Variants in PHACTR3 observed in about 807,000 individuals in gnomAD.
PHACTR3 encodes protein phosphatase 1, regulatory subunit 123.
PHACTR3 carries 16 observed loss-of-function variants against 66.8 expected under a neutral mutation model. That is an observed-to-expected ratio of 0.24 (90% CI 0.16 to 0.36). The LOEUF (loss-of-function observed/expected upper bound fraction) is 0.36, where lower values mean the gene tolerates loss of function less well. Ranked by LOEUF, PHACTR3 falls within the 10% of genes least tolerant of loss-of-function variation. The probability of loss-of-function intolerance (pLI) is 1.00; values close to 1 mark genes in which losing one functional copy is unlikely to be tolerated. For missense variants in PHACTR3, 647 were observed against 719.9 expected, an observed-to-expected ratio of 0.90 and a Z score of 1.16; for synonymous variants, 323 against 292.1, an observed-to-expected ratio of 1.11 and a Z score of -1.08.
rs567354594 is a variant in PHACTR3, at chr20:59,797,463, A to G, written c.1175-8578A>G. Reference sequence around the variant, plus strand: ...ATATTGTGGTACAATCACCTCTTCTAATTTTACAGATTGGCATATTTTGGG... The same window carrying G: ...ATATTGTGGTACAATCACCTCTTCTGATTTTACAGATTGGCATATTTTGGG... On this transcript the variant is annotated intron_variant, in intron 7 of 12. Transcript: ENST00000371015. Among the ~76,000 whole-genome samples the G allele has an allele frequency of 3.9e-5, 6 of 152,066 alleles. No individual in the cohort carries two copies. In the South Asian group the frequency reaches 1.2e-3, roughly 32 times the overall value.
chr20:59,836,279 G>C (rs762532947), intron 8 of PHACTR3: 2 of 522,706 alleles, frequency 3.8e-6, no homozygotes, highest in Non-Finnish European at 6.7e-6. Context: ...CTGGAGCAAG[G>C]ACTAGTCTAG....
At position 59,704,879 on chromosome 20, in the gene PHACTR3, T is replaced by C. The variant is rs2037642874; in HGVS notation, c.119-38228T>C. ...TTACATAAAAGTTATACAATCATTT[T>C]GGAGAACTGATATTTTTACCAAATT... is the stretch of plus-strand genomic sequence containing the variant. On this transcript the variant is annotated intron_variant, in intron 1 of 12. Coordinates refer to ENST00000371015, the MANE Select transcript of PHACTR3 (RefSeq NM_080672.5). Among the ~76,000 whole-genome samples the C allele has an allele frequency of 2.6e-5, 4 of 152,236 alleles. No homozygotes were observed. In the South Asian group the frequency reaches 6.2e-4, roughly 24 times the overall value.
At chr20:59,702,172 A>G (rs2146614134) in intron 1 of PHACTR3, among the ~76,000 whole-genome samples, 1 of 152,192 alleles carries the variant, frequency 6.6e-6, no homozygotes, top group South Asian at 2.1e-4. Flanking sequence ...TATTTTCCAA[A>G]TGGTTAGATT....
chr20:59,696,246 G>C (rs971908553), intron 1 of PHACTR3, among the ~76,000 whole-genome samples: 1 of 152,168 alleles, frequency 6.6e-6, no homozygotes, highest in African/African-American at 2.4e-5. Context: ...GATTCCCAAA[G>C]CGTCCAGAAC....
intron 8 of PHACTR3, among the ~76,000 whole-genome samples, chr20:59,822,881 G>C (rs1342426082): frequency 1.3e-5 from 2 of 152,280 alleles, no homozygotes; most frequent in Admixed American, 1.3e-4. Context: ...CTGGGACCCT[G>C]GGAAGCCACA....
intron 4 of PHACTR3, among the ~76,000 whole-genome samples, chr20:59,762,505 G>T (rs1420943165): frequency 6.6e-6 from 1 of 152,186 alleles, no homozygotes; most frequent in Non-Finnish European, 1.5e-5. Flanking sequence ...CCACCATATG[G>T]ACAAGGAAGA....
At chr20:59,692,264 G>T (rs116838226) in intron 1 of PHACTR3, among the ~76,000 whole-genome samples, 1,717 of 152,310 alleles carry the variant, frequency 0.011, 27 homozygotes, top group African/African-American at 0.039. Flanking sequence ...ACCCAACGGG[G>T]CCACTGGCCT....
At chr20:59,634,018 C>T (rs756780738) in intron 1 of PHACTR3, among the ~76,000 whole-genome samples, 11 of 152,182 alleles carry the variant, frequency 7.2e-5, no homozygotes, top group African/African-American at 2.2e-4. Flanking sequence ...AATTTTTACA[C>T]GATTCCTCTG....
chr20:59,751,872 C>T (rs373615512), intron 3 of PHACTR3, among the ~76,000 whole-genome samples: 2 of 152,032 alleles, frequency 1.3e-5, no homozygotes, highest in African/African-American at 4.8e-5. Context: ...GAGGCCAGAC[C>T]AAATCTCTGG....
At chr20:59,723,181 T>C (rs2038412704) in intron 1 of PHACTR3, among the ~76,000 whole-genome samples, 1 of 151,768 alleles carries the variant, frequency 6.6e-6, no homozygotes, top group Non-Finnish European at 1.5e-5. Context: ...TTCACAGTTC[T>C]GTGGTTTTTG....
chr20:59,749,591 A>T (rs1406366682), intron 3 of PHACTR3, among the ~76,000 whole-genome samples: 1 of 152,118 alleles, frequency 6.6e-6, no homozygotes, highest in Non-Finnish European at 1.5e-5. Flanking sequence ...GGCTTACAGA[A>T]TCACTTTAGA....
chr20:59,632,412 TC>T (rs2034701314), intron 1 of PHACTR3, among the ~76,000 whole-genome samples: 1 of 152,130 alleles, frequency 6.6e-6, no homozygotes, highest in South Asian at 2.1e-4. Context: ...TTCTAGGACT[TC>T]AGTTGAAGCG....
chr20:59,764,044 C>A (rs1473394587), intron 4 of PHACTR3, among the ~76,000 whole-genome samples: 1 of 152,144 alleles, frequency 6.6e-6, no homozygotes, highest in Non-Finnish European at 1.5e-5. Context: ...TATTTTAGAT[C>A]TTGTTGGGAT....
At chr20:59,716,904 A>T (rs1401671869) in intron 1 of PHACTR3, among the ~76,000 whole-genome samples, 9 of 152,162 alleles carry the variant, frequency 5.9e-5, no homozygotes, top group Admixed American at 2.6e-4. Context: ...TAGGCAAAAA[A>T]CGCAAGCGTG....
chr20:59,729,256 G>A (rs561362437), intron 1 of PHACTR3, among the ~76,000 whole-genome samples: 5 of 152,236 alleles, frequency 3.3e-5, no homozygotes, highest in East Asian at 3.9e-4. Flanking sequence ...AGGGCAGGGC[G>A]GATGTAGCAA....
chr20:59,761,454 T>G (rs919084206), intron 4 of PHACTR3, among the ~76,000 whole-genome samples: 2 of 152,154 alleles, frequency 1.3e-5, no homozygotes, highest in African/African-American at 4.8e-5. Context: ...TGACCATGGC[T>G]CACCACATCC....
At chr20:59,771,185 C>T (rs2040346883) in intron 5 of PHACTR3, among the ~76,000 whole-genome samples, 1 of 152,182 alleles carries the variant, frequency 6.6e-6, no homozygotes, top group Non-Finnish European at 1.5e-5. Context: ...CACGCTGCCT[C>T]AGTTTCCCTA....
upstream of PHACTR3, chr20:59,603,766 C>T (rs2033554308): frequency 6.5e-6 from 1 of 152,710 alleles, no homozygotes; most frequent in East Asian, 1.9e-4. Flanking sequence ...GCCTCCTCCT[C>T]TGGGCACCTT....
intron 7 of PHACTR3, among the ~76,000 whole-genome samples, chr20:59,782,160 C>G (rs977631748): frequency 6.6e-6 from 1 of 152,088 alleles, no homozygotes; most frequent in African/African-American, 2.4e-5. Context: ...TGTATTAGTC[C>G]GTTTTCACAC....
Sources: allele counts gnomAD v4.1 joint callset (sites outside exome capture counted in the v4.1 genomes callset), GRCh38; gene constraint gnomAD v4.1.1; transcripts MANE v1.5; gene names NCBI Gene and HGNC (gene_info 2026-07-23, HGNC 2026-07-21).